Variants in CCDC134 observed in about 807,000 individuals in gnomAD.
The protein encoded by CCDC134 is coiled-coil domain-containing protein 134.
CCDC134 carries 27 observed loss-of-function variants against 25.6 expected under a neutral mutation model. The observed-to-expected ratio is 1.05, with a 90% confidence interval of 0.78 to 1.45. The LOEUF is 1.45. Ranked by LOEUF, CCDC134 falls within the 40% of genes most tolerant of loss-of-function variation. The pLI is 0.00. For synonymous variants in CCDC134, 110 were observed against 115.0 expected (o/e 0.96, Z 0.28); for missense variants, 261 against 286.7 (o/e 0.91, Z 0.65).
Position 41,826,538 on chromosome 22 carries a change from G to T in CCDC134, c.*715G>T, listed in dbSNP as rs2076680200. On this transcript the variant is annotated 3_prime_UTR_variant, in exon 7 of 7. Coordinates refer to ENST00000255784, the MANE Select transcript of CCDC134 (RefSeq NM_024821.5). ...ACATTTAGCTCAAGAAGACCTTGGA[G>T]CAACATGATCCCTGTCCTCAGATGT... 1.3e-5 allele frequency among the ~76,000 whole-genome samples: 2 copies of T among 152,350 alleles called. No individual in the cohort carries two copies. The highest frequency in any genetic ancestry group is 6.8e-3 in the Middle Eastern group (2 of 294).
At chr22:41,813,960 C>A in intron 6 of CCDC134, 138 bp downstream of exon 6, 1 of 688,752 alleles carries the variant, frequency 1.5e-6, no homozygotes, top group Admixed American at 2.7e-5. Flanking sequence ...GAAGATATCA[C>A]TGACTCATTG....
intron 6 of CCDC134, among the ~76,000 whole-genome samples, chr22:41,824,299 G>C (rs2148321234): frequency 6.6e-6 from 1 of 152,276 alleles, no homozygotes; most frequent in East Asian, 1.9e-4. Flanking sequence ...CACATGCAAA[G>C]GCCTGGAAGT....
intron 1 of CCDC134, 117 bp from the exon 2 acceptor site, chr22:41,808,758 G>T: frequency 1.3e-6 from 1 of 794,664 alleles, no homozygotes; most frequent in Non-Finnish European, 2.1e-6. Flanking sequence ...CCAAAGCTGG[G>T]TTCTTGGTAT....
At chr22:41,806,195 T>G (rs1229721608) in intron 1 of CCDC134, among the ~76,000 whole-genome samples, 1 of 147,306 alleles carries the variant, frequency 6.8e-6, no homozygotes, top group Non-Finnish European at 1.5e-5. Context: ...GTTGAAAATC[T>G]TTTTTTTTTA....
At chr22:41,821,202 G>A (rs1307869607) in intron 6 of CCDC134, among the ~76,000 whole-genome samples, 1 of 152,104 alleles carries the variant, frequency 6.6e-6, no homozygotes, top group Non-Finnish European at 1.5e-5. Context: ...TGGTGGTCTT[G>A]ATAAAAGCTG....
Position 41,828,402 on chromosome 22 carries a change from A to T in CCDC134, c.*2579A>T, listed in dbSNP as rs2076689403. 6.6e-6 allele frequency among the ~76,000 whole-genome samples: 1 copy of T among 152,150 alleles called. No homozygotes were observed. The highest frequency in any genetic ancestry group is 2.4e-5 in the African/African-American group (1 of 41,412). On this transcript the variant is annotated 3_prime_UTR_variant, in exon 7 of 7. Coordinates refer to ENST00000255784, the MANE Select transcript of CCDC134 (RefSeq NM_024821.5). ...TACTGACTGCCTGCTATATATGCAG[A>T]GCCAAAGAGTGGGGCCTGGTCTTGA...
chr22:41,813,377 T>C lies in CCDC134; in HGVS notation c.424T>C (p.Trp142Arg). The change falls in exon 5 of 7, where the codon TGG becomes CGG. Residue 142 changes from tryptophan (W) to arginine (R), a missense_variant. Transcript: ENST00000255784. Reference sequence around the variant, plus strand: ...CTCCAACTGGAACCTCCTCATCCGCTGGGGTATCAGTTTCTGCAACCAGAC... The same window carrying C: ...CTCCAACTGGAACCTCCTCATCCGCCGGGGTATCAGTTTCTGCAACCAGAC... Reference protein sequence around the residue: ...HNSNWNLLIRWGISFCNQTGV... With the variant: ...HNSNWNLLIRRGISFCNQTGV... The C allele has an allele frequency of 6.2e-7, 1 of 1,614,164 alleles. No homozygotes were observed. The highest frequency in any genetic ancestry group is 1.3e-5 in the African/African-American group (1 of 75,018).
rs1055835195 is a variant in CCDC134 at position 41,829,863 on chromosome 22, T to C, written c.*4040T>C. Among the ~76,000 whole-genome samples the C allele has an allele frequency of 6.6e-6, 1 of 151,888 alleles. No individual in the cohort carries two copies. Among genetic ancestry groups the C allele is most frequent in the Non-Finnish European group, 1.5e-5 (1 of 67,932 alleles). On this transcript the variant is annotated 3_prime_UTR_variant, in exon 7 of 7. Transcript: ENST00000255784. ...ATCTCGGCTCACTGCAACCCCCGCC[T>C]CCCGGGTTCAAGTGATTCTTCTGCC...
Position 41,813,814 on chromosome 22 carries a change from C to A in CCDC134, c.556C>A (p.Arg186Ser), listed in dbSNP as rs1232580823. Residue 186 changes from arginine (R) to serine (S), a missense_variant, in exon 6 of 7, where the codon CGC (arginine) becomes AGC (serine). Coordinates refer to ENST00000255784, the MANE Select transcript of CCDC134 (RefSeq NM_024821.5). ...SNFQNPFKID[R>S]TEFIPSTDPF... ...CTTCCAGAACCCATTTAAAATCGAC[C>A]GCACAGAGGTGAGCTGCCAGGGCCT... is the stretch of plus-strand genomic sequence containing the variant. 1 of 1,614,108 alleles carries A rather than the reference C, an allele frequency of 6.2e-7. No homozygotes were observed. Among genetic ancestry groups the A allele is most frequent in the Admixed American group, 1.7e-5 (1 of 60,022 alleles).
intron 1 of CCDC134, among the ~76,000 whole-genome samples, chr22:41,805,055 T>G (rs1173646133): frequency 6.6e-6 from 1 of 151,730 alleles, no homozygotes; most frequent in African/African-American, 2.4e-5. Flanking sequence ...AGCAACAGAG[T>G]GAGACTCTGT....
intron 4 of CCDC134, among the ~76,000 whole-genome samples, chr22:41,811,303 T>C (rs545924439): frequency 9.2e-5 from 14 of 152,266 alleles, no homozygotes; most frequent in African/African-American, 2.9e-4. Context: ...GAAAGAAACA[T>C]TTATTAGGGA....
chr22:41,802,112 T>C (rs2076546492), intron 1 of CCDC134, among the ~76,000 whole-genome samples: 1 of 152,242 alleles, frequency 6.6e-6, no homozygotes, highest in East Asian at 1.9e-4. Context: ...CAGTCATTTG[T>C]GCATAAGAAC....
chr22:41,817,527 T>C (rs2076628414), intron 6 of CCDC134, among the ~76,000 whole-genome samples: 1 of 151,880 alleles, frequency 6.6e-6, no homozygotes, highest in Admixed American at 6.6e-5. Context: ...AGGTCAGAAA[T>C]TTGAGACCAT....
intron 1 of CCDC134, among the ~76,000 whole-genome samples, chr22:41,805,787 A>G (rs1321621950): frequency 6.6e-6 from 1 of 152,132 alleles, no homozygotes; most frequent in Non-Finnish European, 1.5e-5. Flanking sequence ...TAAAAATTAT[A>G]ATAGCTGGGC....
intron 1 of CCDC134, among the ~76,000 whole-genome samples, chr22:41,808,075 G>A (rs988026613): frequency 1.3e-5 from 2 of 151,810 alleles, no homozygotes; most frequent in East Asian, 1.9e-4. Context: ...CAGGAGAATC[G>A]CTTGAACCCG....
At chr22:41,821,031 G>A (rs2076649450) in intron 6 of CCDC134, among the ~76,000 whole-genome samples, 1 of 152,194 alleles carries the variant, frequency 6.6e-6, no homozygotes, top group Non-Finnish European at 1.5e-5. Flanking sequence ...CCCGCAGAAG[G>A]AGCAGTCAGC....
At chr22:41,808,770 C>T (rs2076579946) in intron 1 of CCDC134, 105 bp from the exon 2 acceptor site, 2 of 882,734 alleles carry the variant, frequency 2.3e-6, no homozygotes, top group Admixed American at 2.3e-5. Context: ...TCTTGGTATA[C>T]AGAGGCTGCA....
intron 1 of CCDC134, among the ~76,000 whole-genome samples, chr22:41,806,807 GGA>G (rs2076569666): frequency 6.6e-6 from 1 of 152,114 alleles, no homozygotes; most frequent in Admixed American, 6.5e-5. Flanking sequence ...CAGCACTTTG[GGA>G]GGCTGAGGCG....
intron 1 of CCDC134, among the ~76,000 whole-genome samples, chr22:41,803,412 G>C (rs537732650): frequency 1.3e-5 from 2 of 152,254 alleles, no homozygotes; most frequent in African/African-American, 2.4e-5. Flanking sequence ...TTCTGGGCCA[G>C]CATTATTCTG....
Sources: allele counts gnomAD v4.1 joint callset (sites outside exome capture counted in the v4.1 genomes callset), GRCh38; gene constraint gnomAD v4.1.1; transcripts MANE v1.5; gene names NCBI Gene and HGNC (gene_info 2026-07-23, HGNC 2026-07-21).